The following MCTP2 variants were observed in gnomAD, a reference collection of about 807,000 sequenced individuals.
The protein encoded by MCTP2 is multiple C2 and transmembrane domain-containing protein 2.
A neutral mutation model predicts 111.6 loss-of-function variants in MCTP2; 132 were observed. The ratio of observed to expected loss-of-function variants is 1.18; its 90% CI spans 1.03 to 1.37. MCTP2 has a LOEUF of 1.37. MCTP2 is among the 40% of genes most tolerant of loss of function. The pLI, the probability that MCTP2 is intolerant of heterozygous loss-of-function variation, is 0.00. For synonymous variants in MCTP2, 395 were observed against 387.7 expected (o/e 1.02, Z -0.22); for missense variants, 1,183 against 1,067.9 (o/e 1.11, Z -1.50).
intron 17 of MCTP2, among the ~76,000 whole-genome samples, chr15:94,406,841 C>G (rs911351619): frequency 2.7e-5 from 4 of 146,956 alleles, no homozygotes; most frequent in Non-Finnish European, 5.9e-5. Context: ...TCATGGAAGG[C>G]ATTGGACTTT....
At chr15:94,447,299 C>T (rs147312095) in intron 19 of MCTP2, among the ~76,000 whole-genome samples, 275 of 152,294 alleles carry the variant, frequency 1.8e-3, no homozygotes, top group African/African-American at 5.5e-3. Flanking sequence ...ATATCCTAAC[C>T]AGAGAAAACT....
At chr15:94,376,800 CAA>C (rs1311810430) in intron 12 of MCTP2, among the ~76,000 whole-genome samples, 1 of 151,794 alleles carries the variant, frequency 6.6e-6, no homozygotes, top group South Asian at 2.1e-4. Flanking sequence ...AAAAAGAAGG[CAA>C]AAAAATATGC....
At chr15:94,299,082 T>C (rs1247290176) in intron 2 of MCTP2, among the ~76,000 whole-genome samples, 2 of 142,886 alleles carry the variant, frequency 1.4e-5, no homozygotes, top group Non-Finnish European at 1.5e-5. Flanking sequence ...GGTTAGGAGT[T>C]ATTTTCGTGG....
intron 17 of MCTP2, among the ~76,000 whole-genome samples, chr15:94,403,708 G>A (rs1243406910): frequency 6.6e-6 from 1 of 152,238 alleles, no homozygotes; most frequent in Non-Finnish European, 1.5e-5. Context: ...ACTTCTCCAC[G>A]GCCTTTTCTC....
intron 4 of MCTP2, among the ~76,000 whole-genome samples, chr15:94,332,438 C>T (rs1172098329): frequency 6.6e-6 from 1 of 152,066 alleles, no homozygotes; most frequent in Non-Finnish European, 1.5e-5. Context: ...TACTCTTACC[C>T]TATTAGATAA....
intron 19 of MCTP2, among the ~76,000 whole-genome samples, chr15:94,454,173 C>T (rs1218176767): frequency 1.3e-5 from 2 of 152,266 alleles, no homozygotes; most frequent in African/African-American, 4.8e-5. Flanking sequence ...TAATTTCTAA[C>T]ATCAGCAATG....
intron 17 of MCTP2, among the ~76,000 whole-genome samples, chr15:94,424,873 G>T (rs1336976434): frequency 1.3e-5 from 2 of 151,846 alleles, no homozygotes; most frequent in East Asian, 1.9e-4. Flanking sequence ...TGCCTAATTT[G>T]CCTAATTTTC....
At chr15:94,333,913 G>T (rs2152393932) in intron 4 of MCTP2, among the ~76,000 whole-genome samples, 1 of 152,264 alleles carries the variant, frequency 6.6e-6, no homozygotes, top group South Asian at 2.1e-4. Flanking sequence ...ATCCCTGCGA[G>T]AAGTAAGTAA....
intron 1 of MCTP2, among the ~76,000 whole-genome samples, chr15:94,243,692 C>T (rs1417106153): frequency 7.0e-6 from 1 of 142,696 alleles, no homozygotes; most frequent in South Asian, 2.2e-4. Flanking sequence ...TATACACATA[C>T]ATATGCGTAT....
chr15:94,406,557 A>G lies in MCTP2; in HGVS notation c.2085+4538A>G, dbSNP rs142658835. Among the ~76,000 whole-genome samples the G allele has an allele frequency of 9.8e-4, 150 of 152,366 alleles. 1 individual carries two copies. Among genetic ancestry groups the G allele is most frequent in the African/African-American group, 3.5e-3 (144 of 41,588 alleles). Reference sequence around the variant, plus strand: ...AACCCTCATTACATGGGCGAGAATAATTCTTTAGCTCAGTTATTTTATTCA... The same window carrying G: ...AACCCTCATTACATGGGCGAGAATAGTTCTTTAGCTCAGTTATTTTATTCA... On this transcript the variant is annotated intron_variant, in intron 17 of 22. Transcript: ENST00000357742.
At chr15:94,463,591 A>T (rs905856382) in intron 20 of MCTP2, among the ~76,000 whole-genome samples, 2 of 152,136 alleles carry the variant, frequency 1.3e-5, no homozygotes, top group African/African-American at 4.8e-5. Context: ...GACTTGCTGT[A>T]CTGGCTATTA....
intron 1 of MCTP2, among the ~76,000 whole-genome samples, chr15:94,269,763 T>C (rs1251151110): frequency 6.6e-6 from 1 of 152,226 alleles, no homozygotes; most frequent in Non-Finnish European, 1.5e-5. Flanking sequence ...GAAAGTTGTT[T>C]TATTACTTCA....
chr15:94,339,396 G>A lies in MCTP2; in HGVS notation c.744G>A (p.Leu248=). The A allele has an allele frequency of 1.9e-6, 3 of 1,610,536 alleles. No homozygotes were observed. The highest frequency in any genetic ancestry group is 2.5e-6 in the Non-Finnish European group (3 of 1,178,360). The change falls in exon 5 of 23, where the codon TTG becomes TTA. Residue 248 remains leucine, a synonymous_variant. Coordinates refer to ENST00000357742, the MANE Select transcript of MCTP2 (RefSeq NM_001385001.1). ...CAGTATGGGATGAGATAGTTGTATT[G>A]CCAATCCAAAGCCTTGATCAAAAGC... is the stretch of plus-strand genomic sequence containing the variant. ...LNPVWDEIVV[L]PIQSLDQKLR...
intron 14 of MCTP2, among the ~76,000 whole-genome samples, chr15:94,396,664 C>G (rs1012868039): frequency 6.6e-6 from 1 of 152,178 alleles, no homozygotes; most frequent in African/African-American, 2.4e-5. Flanking sequence ...GTTCTTAACC[C>G]AAACATATTC....
At chr15:94,342,274 T>C (rs2077685729) in intron 7 of MCTP2, 1 of 152,206 alleles carries the variant, frequency 6.6e-6, no homozygotes, top group Admixed American at 6.5e-5. Flanking sequence ...TGTCAAAATT[T>C]AGAGTTTTAA....
chr15:94,362,899 A>G (rs988986646), intron 10 of MCTP2, among the ~76,000 whole-genome samples: 4 of 152,228 alleles, frequency 2.6e-5, no homozygotes, highest in Non-Finnish European at 5.9e-5. Context: ...AAATCAGCAC[A>G]TTAACTGCCT....
At chr15:94,394,868 G>A (rs1349178794) in intron 14 of MCTP2, among the ~76,000 whole-genome samples, 1 of 152,126 alleles carries the variant, frequency 6.6e-6, no homozygotes, top group Non-Finnish European at 1.5e-5. Flanking sequence ...GCTTTTGTAG[G>A]AGCAGCTTAT....
At chr15:94,330,224 C>T (rs1413301601) in intron 4 of MCTP2, among the ~76,000 whole-genome samples, 1 of 152,080 alleles carries the variant, frequency 6.6e-6, no homozygotes, top group Non-Finnish European at 1.5e-5. Flanking sequence ...GAGATCATTC[C>T]CATGTTAATG....
chr15:94,248,484 A>G (rs992536497), intron 1 of MCTP2, among the ~76,000 whole-genome samples: 7 of 152,106 alleles, frequency 4.6e-5, no homozygotes, highest in Non-Finnish European at 7.4e-5. Context: ...TTACTTTCCA[A>G]TTACATTGGC....
Sources: allele counts gnomAD v4.1 joint callset (sites outside exome capture counted in the v4.1 genomes callset), GRCh38; gene constraint gnomAD v4.1.1; transcripts MANE v1.5; gene names NCBI Gene and HGNC (gene_info 2026-07-23, HGNC 2026-07-21).